The following HOOK2 variants were observed in gnomAD, a reference collection of about 807,000 sequenced individuals.
HOOK2 encodes the protein hook microtubule tethering protein 2.
Under a neutral mutation model 111.9 loss-of-function variants are expected in HOOK2, and 108 were observed. That is an observed-to-expected ratio of 0.96 (90% CI 0.83 to 1.13). The LOEUF (loss-of-function observed/expected upper bound fraction) is 1.13. Among genes scored for constraint, HOOK2 ranks in the 50% most tolerant of loss-of-function variants. The pLI is 0.00. For synonymous variants in HOOK2, 405 were observed against 394.3 expected (o/e 1.03, Z -0.32); for missense variants, 978 against 951.3 (o/e 1.03, Z -0.37).
At chr19:12,785,346 G>A (rs376310820) in intron 3 of HOOK2, among the ~76,000 whole-genome samples, 30 of 149,444 alleles carry the variant, frequency 2.0e-4, no homozygotes, top group African/African-American at 7.4e-4. Flanking sequence ...ATACAGACCA[G>A]CCACAGACCT....
At chr19:12,792,071 G>A (rs756278321) in intron 3 of HOOK2, 4 of 1,607,370 alleles carry the variant, frequency 2.5e-6, no homozygotes, top group African/African-American at 2.7e-5. Flanking sequence ...GCGTGATCAC[G>A]ACGACGCCTA....
At position 12,790,659 on chromosome 19, in the gene HOOK2, C is replaced by T. The variant is rs981025934; in HGVS notation, n.42-16434G>A. 2.0e-5 allele frequency among the ~76,000 whole-genome samples: 3 copies of T among 151,766 alleles called. No homozygotes were observed. Among genetic ancestry groups the T allele is most frequent in the African/African-American group, 7.3e-5 (3 of 41,044 alleles). The stretch of plus-strand genomic sequence containing the variant: ...TGTGTCCGGCCCCTTCTAACTCTCT[C>T]CTTCATCCGGGCTAGCAGATGACCC... On this transcript the variant is annotated intron_variant and non_coding_transcript_variant, in intron 3 of 3. Transcript: ENST00000589765. This position sits in a 1 kb window ranked among gnomAD's most constrained non-coding sequence, Gnocchi z 7.2.
chr19:12,780,654 C>CTTTT (rs1203010571), upstream of HOOK2, among the ~76,000 whole-genome samples: 5 of 32,092 alleles, frequency 1.6e-4, no homozygotes, highest in African/African-American at 3.5e-4. Context: ...CGCGCCCGGC[C>CTTTT]TTTTTTTTTT....
chr19:12,766,600 T>C (rs1284001751), intron 14 of HOOK2: 3 of 252,980 alleles, frequency 1.2e-5, no homozygotes, highest in Non-Finnish European at 2.3e-5. Flanking sequence ...TTTTGTTTGT[T>C]TGAGATGGAG....
chr19:12,791,596 G>A lies in HOOK2; in HGVS notation n.42-17371C>T, dbSNP rs1156556845. ...AGAGAGGGCGACGGGGGCTCGGGAA[G>A]CCTGACAGGGCTTTTGCGCACAGCT... On this transcript the variant is annotated intron_variant and non_coding_transcript_variant, in intron 3 of 3. Transcript: ENST00000589765. This position sits in a 1 kb window ranked among gnomAD's most constrained non-coding sequence, Gnocchi z 7.0. 5 of 520,702 alleles carry A rather than the reference G, an allele frequency of 9.6e-6. No individual in the cohort carries two copies. In the East Asian group the frequency reaches 1.6e-4, roughly 17 times the overall value. The allele number at this position is 520,702 out of a possible 1,614,324, so 32.3% of individuals were successfully genotyped here.
upstream of HOOK2, among the ~76,000 whole-genome samples, chr19:12,782,068 C>A (rs1276858867): frequency 6.6e-6 from 1 of 152,164 alleles, no homozygotes; most frequent in African/African-American, 2.4e-5. Context: ...GTTGCCCAGG[C>A]TGGTCTTGAA....
Position 12,790,486 on chromosome 19 carries a change from G to A in HOOK2, n.42-16261C>T, listed in dbSNP as rs1338949300. 6.6e-6 allele frequency among the ~76,000 whole-genome samples: 1 copy of A among 152,216 alleles called. No individual in the cohort carries two copies. Among genetic ancestry groups the A allele is most frequent in the Admixed American group, 6.5e-5 (1 of 15,276 alleles). ...TCAATAGGGGAGGGTTTTAGGATGGGGGACAGAGAATACAGATGACTAAGA... is the reference window on the plus strand; with the variant it reads ...TCAATAGGGGAGGGTTTTAGGATGGAGGACAGAGAATACAGATGACTAAGA... On this transcript the variant is annotated intron_variant and non_coding_transcript_variant, in intron 3 of 3. Transcript: ENST00000589765. The surrounding 1 kb of genome is among the most constrained non-coding windows in gnomAD (Gnocchi z 7.2).
upstream of HOOK2, among the ~76,000 whole-genome samples, chr19:12,780,183 T>C (rs1968585036): frequency 6.6e-6 from 1 of 152,118 alleles, no homozygotes; most frequent in Non-Finnish European, 1.5e-5. Flanking sequence ...CCCATCCAGA[T>C]TTTAGGGTGA....
chr19:12,782,531 G>A (rs1198659514), upstream of HOOK2, among the ~76,000 whole-genome samples: 1 of 152,238 alleles, frequency 6.6e-6, no homozygotes, highest in East Asian at 1.9e-4. Flanking sequence ...CCGCGTTGCG[G>A]GGGCGCGTGC....
chr19:12,772,401 AAC>A, intron 6 of HOOK2, 149 bp from the exon 7 acceptor site: 1 of 1,053,600 alleles, frequency 9.5e-7, no homozygotes, highest in Non-Finnish European at 1.4e-6. Context: ...TCCTGCCTCC[AAC>A]ACAGAGGGAA....
rs1317975507 is a variant in HOOK2 at position 12,790,779 on chromosome 19, C to A, written n.42-16554G>T. Among the ~76,000 whole-genome samples, 1 of 152,196 alleles carries A rather than the reference C, an allele frequency of 6.6e-6. No homozygotes were observed. Among genetic ancestry groups the A allele is most frequent in the East Asian group, 1.9e-4 (1 of 5,194 alleles). Reference sequence around the variant, plus strand: ...CCCCAGGCCGCTTACTAGCTTTCTGCATATCTAGACTTCCCCTAATGCCTC... The same window carrying A: ...CCCCAGGCCGCTTACTAGCTTTCTGAATATCTAGACTTCCCCTAATGCCTC... On this transcript the variant is annotated intron_variant and non_coding_transcript_variant, in intron 3 of 3. Coordinates refer to the HOOK2 transcript ENST00000589765. This position sits in a 1 kb window ranked among gnomAD's most constrained non-coding sequence, Gnocchi z 7.2.
chr19:12,776,256 A>T (rs1393611054), upstream of HOOK2, among the ~76,000 whole-genome samples: 1 of 151,608 alleles, frequency 6.6e-6, no homozygotes, highest in Admixed American at 6.6e-5. Context: ...CTTTCTATGG[A>T]CTGGGAGAGG....
intron 15 of HOOK2, 40 bp downstream of exon 15, chr19:12,766,061 CCT>C (rs748409198): frequency 5.0e-6 from 8 of 1,607,372 alleles, no homozygotes; most frequent in East Asian, 2.2e-5. Flanking sequence ...CTTTTGGCCC[CCT>C]CTGTCCCTGC....
upstream of HOOK2, among the ~76,000 whole-genome samples, chr19:12,782,113 C>A (rs1259202489): frequency 2.6e-5 from 4 of 152,212 alleles, no homozygotes; most frequent in African/African-American, 9.7e-5. Context: ...GCCTTGGCCT[C>A]TCAAAATTCT....
upstream of HOOK2, chr19:12,775,571 G>A (rs955184050): frequency 1.4e-6 from 1 of 726,970 alleles, no homozygotes; most frequent in Non-Finnish European, 1.7e-6. Flanking sequence ...GCCCCGCCCC[G>A]CCCCCCTAGG....
Position 12,771,493 on chromosome 19 carries a change from G to A in HOOK2, c.520-16C>T. On this transcript the variant is annotated splice_polypyrimidine_tract_variant and intron_variant, in intron 7 of 22. Coordinates refer to ENST00000397668, the MANE Select transcript of HOOK2 (RefSeq NM_013312.3). The stretch of plus-strand genomic sequence containing the variant: ...ACCTGCGGGACTGCAGAGATGAGGG[G>A]GAAGAGGAACTCAGGGATTCAGGAG... 1 of 1,603,420 alleles carries A rather than the reference G, an allele frequency of 6.2e-7. No homozygotes were observed. The highest frequency in any genetic ancestry group is 1.3e-5 in the African/African-American group (1 of 74,926).
intron 13 of HOOK2, 69 bp from the exon 14 acceptor site, chr19:12,767,533 C>A: frequency 7.6e-7 from 1 of 1,312,564 alleles, no homozygotes. Context: ...GTCTTCTTCC[C>A]AAGGATCATC....
chr19:12,776,919 A>T (rs1237313751), upstream of HOOK2, among the ~76,000 whole-genome samples: 1 of 151,844 alleles, frequency 6.6e-6, no homozygotes, highest in African/African-American at 2.4e-5. Flanking sequence ...GCACTTTGGG[A>T]GGCCTAGGCA....
At chr19:12,770,895 G>A (rs373727555) in intron 10 of HOOK2, 37 bp downstream of exon 10, 30 of 1,567,146 alleles carry the variant, frequency 1.9e-5, no homozygotes, top group Non-Finnish European at 2.4e-5. Context: ...TTTACCCCCC[G>A]CCCCCCGTGA....
Sources: allele counts gnomAD v4.1 joint callset (sites outside exome capture counted in the v4.1 genomes callset), GRCh38; gene constraint gnomAD v4.1.1; non-coding constraint Gnocchi (gnomAD v3.1); transcripts MANE v1.5; gene names NCBI Gene and HGNC (gene_info 2026-07-23, HGNC 2026-07-21).